Variants in DRG1 observed in about 807,000 individuals in gnomAD.
DRG1 encodes developmentally regulated GTP binding protein 1, also known as developmentally-regulated GTP-binding protein 1.
A neutral mutation model predicts 38.8 loss-of-function variants in DRG1; 19 were observed. That is an observed-to-expected ratio of 0.49 (90% confidence interval 0.34 to 0.72). The LOEUF (loss-of-function observed/expected upper bound fraction) is 0.72. Among genes scored for constraint, DRG1 ranks in the 30% least tolerant of loss-of-function variants. The pLI is 0.01. For missense variants in DRG1, 299 were observed against 444.8 expected, an observed-to-expected ratio of 0.67 and a Z score of 2.95; for synonymous variants, 167 against 157.5, an observed-to-expected ratio of 1.06 and a Z score of -0.45.
At chr22:31,414,476 A>C (rs991067763) in intron 4 of DRG1, among the ~76,000 whole-genome samples, 1 of 152,080 alleles carries the variant, frequency 6.6e-6, no homozygotes, top group African/African-American at 2.4e-5. Context: ...AAAACAAAAA[A>C]ATTCTTGATC....
intron 7 of DRG1, 73 bp from the exon 8 acceptor site, chr22:31,426,987 T>C: frequency 6.3e-7 from 1 of 1,593,132 alleles, no homozygotes; most frequent in Non-Finnish European, 8.6e-7. Flanking sequence ...TCAGGGGTGA[T>C]GGAGGGTTGC....
intron 4 of DRG1, among the ~76,000 whole-genome samples, chr22:31,412,589 T>A (rs2050023967): frequency 6.6e-6 from 1 of 151,982 alleles, no homozygotes; most frequent in South Asian, 2.1e-4. Context: ...GACCTCGTGA[T>A]CCGCCCGCCT....
intron 5 of DRG1, among the ~76,000 whole-genome samples, chr22:31,421,127 C>T (rs1365650109): frequency 6.6e-6 from 1 of 151,994 alleles, no homozygotes; most frequent in Non-Finnish European, 1.5e-5. Flanking sequence ...ACCATGTTGG[C>T]CAGGCTGGTC....
chr22:31,430,708 T>C (rs1410792125), intron 8 of DRG1, among the ~76,000 whole-genome samples: 4 of 151,482 alleles, frequency 2.6e-5, no homozygotes, highest in Non-Finnish European at 5.9e-5. Flanking sequence ...CACTACAGGG[T>C]TCATTTTAGC....
Position 31,422,722 on chromosome 22 carries a change from T to G in DRG1, c.583-558T>G, listed in dbSNP as rs192545687. On this transcript the variant is annotated intron_variant, in intron 5 of 8. Coordinates refer to ENST00000331457, the MANE Select transcript of DRG1 (RefSeq NM_004147.4). ...ATATTCAAATTTGAACATTTAAGAT[T>G]ATTTCTGTGTTAGTTTCAGTGCTGC... 2.1e-4 allele frequency among the ~76,000 whole-genome samples: 29 copies of G among 135,692 alleles called. No homozygotes were observed. The East Asian group carries it at 5.4e-3, about 25-fold the overall frequency. 89.0% of individuals were successfully genotyped at this position (135,692 alleles called of 152,430 possible).
Position 31,420,236 on chromosome 22 carries a change from GT to G in DRG1, c.413-13del. Reference sequence around the variant, plus strand: ...GGCTTTATTGAACTTTCTTGCGTATGTTTTTTTCTTACTCTTCAGTGGCCCG... The same window carrying G: ...GGCTTTATTGAACTTTCTTGCGTATGTTTTTTCTTACTCTTCAGTGGCCCG... On this transcript the variant is annotated intron_variant, in intron 4 of 8. Coordinates refer to ENST00000331457, the MANE Select transcript of DRG1 (RefSeq NM_004147.4). The G allele has an allele frequency of 2.5e-6, 4 of 1,608,434 alleles. No homozygotes were observed. The East Asian group carries it at 6.7e-5, about 27-fold the overall frequency.
Position 31,427,046 on chromosome 22 carries a change from C to G in DRG1, c.882-14C>G, listed in dbSNP as rs1396122314. 26 of 1,613,174 alleles carry G rather than the reference C, an allele frequency of 1.6e-5. No homozygotes were observed. The highest frequency in any genetic ancestry group is 2.0e-5 in the Non-Finnish European group (24 of 1,179,658). The stretch of plus-strand genomic sequence containing the variant: ...TCTAAGAAGGCAGTAATCTTTATGC[C>G]CTCTCTATTCTAGTTACACCAAACC... On this transcript the variant is annotated splice_polypyrimidine_tract_variant and intron_variant, in intron 7 of 8. Transcript: ENST00000331457.
intron 8 of DRG1, among the ~76,000 whole-genome samples, chr22:31,431,155 C>T (rs535914321): frequency 3.6e-4 from 55 of 151,340 alleles, no homozygotes; most frequent in South Asian, 1.3e-3. Context: ...CTGCCTCAGC[C>T]TCCCGAGTAG....
rs1357814395 is a variant in DRG1, at chr22:31,403,307, C to T, written c.342+103C>T. On this transcript the variant is annotated intron_variant, in intron 3 of 8. Coordinates refer to ENST00000331457, the MANE Select transcript of DRG1 (RefSeq NM_004147.4). ...ATGCCAGGCCTGATCTTTGATCTAC[C>T]AGGCACTTACTACCTGGTAGGGGAA... 15 of 1,220,274 alleles carry T rather than the reference C, an allele frequency of 1.2e-5. No individual in the cohort carries two copies. The African/African-American group carries it at 1.4e-4, about 11-fold the overall frequency. 75.6% of individuals were successfully genotyped at this position (1,220,274 alleles called of 1,614,324 possible). A position where few individuals can be genotyped will look rare whatever the true frequency, so the allele number is the denominator to read the frequency against.
intron 3 of DRG1, among the ~76,000 whole-genome samples, chr22:31,407,666 ATTT>A (rs1404809431): frequency 7.6e-6 from 1 of 131,608 alleles, no homozygotes. Context: ...TTTTATTTTT[ATTT>A]TTTATTTTCA....
In DRG1 at chr22:31,431,985, T is replaced by C. The variant is rs145469073; in HGVS notation, c.1005-1887T>C. ...CAGGGAATTAAAAAGGGGAGAAAAA[T>C]GTCTCAGATAAGAAACATATCGAAG... On this transcript the variant is annotated intron_variant, in intron 8 of 8. Transcript: ENST00000331457. Among the ~76,000 whole-genome samples the C allele has an allele frequency of 4.4e-4, 67 of 151,902 alleles. No individual in the cohort carries two copies. The East Asian group carries it at 0.012, about 28-fold the overall frequency.
intron 4 of DRG1, 107 bp from the exon 5 acceptor site, chr22:31,420,149 A>C: frequency 7.0e-6 from 9 of 1,286,592 alleles, no homozygotes; most frequent in Non-Finnish European, 9.6e-6. Flanking sequence ...TTACAGAAAA[A>C]TCCTTTGACA....
Position 31,420,321 on chromosome 22 carries a change from A to G in DRG1, c.478A>G (p.Ile160Val). ...CCTGAAACCTTTGGGACATAAGAAG[A>G]TAATTGAAAATGAGCTGGAAGGCTT... ...DVLKPLGHKK[I>V]IENELEGFGI... The change falls in exon 5 of 9, where the codon ATA becomes GTA. Residue 160 changes from isoleucine (I) to valine (V), a missense_variant. Coordinates refer to ENST00000331457, the MANE Select transcript of DRG1 (RefSeq NM_004147.4). 1 of 1,614,178 alleles carries G rather than the reference A, an allele frequency of 6.2e-7. No individual in the cohort carries two copies. Among genetic ancestry groups the G allele is most frequent in the East Asian group, 2.2e-5 (1 of 44,888 alleles).
At chr22:31,405,686 G>T (rs963274915) in intron 3 of DRG1, among the ~76,000 whole-genome samples, 123 of 150,246 alleles carry the variant, frequency 8.2e-4, no homozygotes, top group African/African-American at 1.8e-3. Context: ...TGTGTGGGGG[G>T]GTTTATTTAT....
chr22:31,420,626 T>C (rs1454906793), intron 5 of DRG1, among the ~76,000 whole-genome samples: 2 of 152,212 alleles, frequency 1.3e-5, no homozygotes, highest in Admixed American at 1.3e-4. Flanking sequence ...TTGCTACTTA[T>C]TTCCTCTTTT....
chr22:31,422,329 G>A (rs1006623622), intron 5 of DRG1, among the ~76,000 whole-genome samples: 1 of 151,972 alleles, frequency 6.6e-6, no homozygotes, highest in Non-Finnish European at 1.5e-5. Flanking sequence ...TACTTCGGAG[G>A]CTGAGGCAGG....
chr22:31,423,847 T>C (rs1042098348), intron 6 of DRG1, among the ~76,000 whole-genome samples: 1 of 146,074 alleles, frequency 6.8e-6, no homozygotes, highest in Non-Finnish European at 1.5e-5. Flanking sequence ...TCTTAAATGA[T>C]AGTGGGCTTT....
intron 4 of DRG1, 81 bp from the exon 5 acceptor site, chr22:31,420,175 A>C: frequency 1.4e-6 from 2 of 1,463,206 alleles, no homozygotes; most frequent in South Asian, 1.3e-5. Context: ...ATGTAGGGGG[A>C]AAAAACACCT....
chr22:31,399,864 C>G (rs896489381), intron 1 of DRG1, 139 bp downstream of exon 1: 1 of 1,250,274 alleles, frequency 8.0e-7, no homozygotes, highest in Non-Finnish European at 1.2e-6. Context: ...CGTGTTCCGA[C>G]TGCCCTCTGC....
Sources: allele counts gnomAD v4.1 joint callset (sites outside exome capture counted in the v4.1 genomes callset), GRCh38; gene constraint gnomAD v4.1.1; transcripts MANE v1.5; gene names NCBI Gene and HGNC (gene_info 2026-07-23, HGNC 2026-07-21).